NRDC: variants seen among roughly 807,000 people sequenced by gnomAD.
The protein encoded by NRDC is nardilysin.
In NRDC, 54 loss-of-function variants were observed where a neutral mutation model predicts 147.1. The ratio of observed to expected loss-of-function variants is 0.37; its 90% CI spans 0.29 to 0.46. The LOEUF is 0.46. NRDC is among the 20% of genes least tolerant of loss of function. The pLI is 1.00. For missense variants in NRDC, 1,082 were observed against 1,370.6 expected (o/e 0.79, Z 3.33); for synonymous variants, 440 against 482.1 (o/e 0.91, Z 1.14).
At chr1:51,830,615 C>A (rs1680663873) in intron 4 of NRDC, among the ~76,000 whole-genome samples, 1 of 152,174 alleles carries the variant, frequency 6.6e-6, no homozygotes. Flanking sequence ...GACGCCTCAT[C>A]CTTTTTCACA....
At chr1:51,831,330 T>A (rs918526114) in intron 4 of NRDC, among the ~76,000 whole-genome samples, 3 of 152,214 alleles carry the variant, frequency 2.0e-5, no homozygotes, top group Non-Finnish European at 2.9e-5. Flanking sequence ...TCCTTCTTTG[T>A]ATATGGACAA....
intron 17 of NRDC, among the ~76,000 whole-genome samples, chr1:51,808,117 A>T (rs979550557): frequency 3.3e-5 from 5 of 151,838 alleles, no homozygotes; most frequent in Non-Finnish European, 7.4e-5. Context: ...ATACTTTTTT[A>T]AAAGGCTTTT....
chr1:51,806,939 C>T, intron 17 of NRDC, 26 bp from the exon 18 acceptor site: 2 of 1,606,148 alleles, frequency 1.2e-6, no homozygotes, highest in Non-Finnish European at 1.7e-6. Context: ...AATAATAATT[C>T]ACTCAAGTAT....
At chr1:51,853,384 AG>A (rs879638412) in intron 1 of NRDC, among the ~76,000 whole-genome samples, 205 of 152,192 alleles carry the variant, frequency 1.3e-3, no homozygotes, top group Non-Finnish European at 2.3e-3. Context: ...CTCCCTCCTT[AG>A]AAGTCTGCTC....
At chr1:51,835,867 T>G (rs1012768163) in intron 3 of NRDC, among the ~76,000 whole-genome samples, 1 of 152,244 alleles carries the variant, frequency 6.6e-6, no homozygotes, top group Non-Finnish European at 1.5e-5. Flanking sequence ...AATCATCTCC[T>G]GATCCGTTGG....
At chr1:51,802,888 A>G (rs947309206) in intron 20 of NRDC, among the ~76,000 whole-genome samples, 3 of 152,160 alleles carry the variant, frequency 2.0e-5, no homozygotes, top group African/African-American at 7.2e-5. Context: ...TAGATATAAA[A>G]TTTATTATTG....
rs925434318 is a variant in NRDC, at chr1:51,815,027, G to C, written c.1440-214C>G. Among the ~76,000 whole-genome samples the C allele has an allele frequency of 5.3e-5, 8 of 152,184 alleles. No homozygotes were observed. The South Asian group carries it at 1.7e-3, about 32-fold the overall frequency. ...GTGGTACATTTAGGAATCACCAGAA[G>C]GAAATAACAGTCTTTGTTTAATGCA... On this transcript the variant is annotated intron_variant, in intron 11 of 30. Transcript: ENST00000352171.
rs144491912 is a variant in NRDC at position 51,791,625 on chromosome 1, C to T, written c.2913G>A (p.Gly971=). The change falls in exon 27 of 31, where the codon GGG becomes GGA. Residue 971 remains glycine, a synonymous_variant. Coordinates refer to ENST00000352171, the MANE Select transcript of NRDC (RefSeq NM_001101662.2). The part of the protein sequence containing the change: ...HVYPTCRNTS[G]ILGFSVTVGT... The stretch of plus-strand genomic sequence containing the variant: ...CCACAGTGACAGAAAATCCTAGAAT[C>T]CCGGATGTGTTCCTACAGGTAGGGT... The T allele has an allele frequency of 1.7e-5, 28 of 1,613,868 alleles. No homozygotes were observed. The African/African-American group carries it at 3.5e-4, about 20-fold the overall frequency.
At chr1:51,848,483 A>AT (rs1225234846) in intron 1 of NRDC, among the ~76,000 whole-genome samples, 18 of 152,256 alleles carry the variant, frequency 1.2e-4, no homozygotes, top group Non-Finnish European at 2.5e-4. Flanking sequence ...TCCGTCTCAA[A>AT]AAATAATAAT....
Position 51,789,656 on chromosome 1 carries a change from A to G in NRDC, c.3170T>C (p.Ile1057Thr). 2.5e-6 allele frequency: 4 copies of G among 1,608,410 alleles called. No homozygotes were observed. Among genetic ancestry groups the G allele is most frequent in the Non-Finnish European group, 2.6e-6 (3 of 1,174,872 alleles). Residue 1057 changes from isoleucine to threonine, a missense_variant and splice_region_variant, in exon 30 of 31, where the codon ATT becomes ACT. Ile to Thr is a moderately conservative substitution (Grantham distance 89, BLOSUM62 -1). Transcript: ENST00000352171. The part of the protein sequence containing the change: ...QYLFDRLAHE[I>T]EALKSFSKSD... The stretch of plus-strand genomic sequence containing the variant: ...TTTTGAGAATGACTTCAGTGCTTCA[A>G]TCTTACAAGGGAAGGGAAGATAGGA...
intron 4 of NRDC, among the ~76,000 whole-genome samples, chr1:51,828,273 T>C (rs1680533528): frequency 6.6e-6 from 1 of 152,244 alleles, no homozygotes; most frequent in Non-Finnish European, 1.5e-5. Flanking sequence ...TAACCCAATG[T>C]TTATCAACCC....
At chr1:51,846,274 G>C (rs917597559) in intron 1 of NRDC, among the ~76,000 whole-genome samples, 2 of 152,002 alleles carry the variant, frequency 1.3e-5, no homozygotes, top group African/African-American at 4.8e-5. Flanking sequence ...CACCGCACCT[G>C]GTTAATTTTT....
At chr1:51,850,853 T>C (rs1335295505) in intron 1 of NRDC, among the ~76,000 whole-genome samples, 1 of 152,214 alleles carries the variant, frequency 6.6e-6, no homozygotes, top group Non-Finnish European at 1.5e-5. Flanking sequence ...CTGGTCCTCC[T>C]TGCTTGACAC....
chr1:51,860,327 A>AT (rs1194490085), intron 1 of NRDC, among the ~76,000 whole-genome samples: 1 of 152,124 alleles, frequency 6.6e-6, no homozygotes, highest in Non-Finnish European at 1.5e-5. Flanking sequence ...CCCAGATAGA[A>AT]TTGTTTTTTC....
chr1:51,829,105 A>G (rs1265781054), intron 4 of NRDC, among the ~76,000 whole-genome samples: 1 of 152,162 alleles, frequency 6.6e-6, no homozygotes, highest in East Asian at 1.9e-4. Context: ...TCTGTCACCC[A>G]GACTGGAGTG....
chr1:51,795,331 TG>T, intron 22 of NRDC: 2 of 675,110 alleles, frequency 3.0e-6, no homozygotes, highest in South Asian at 3.7e-5. Flanking sequence ...TTCTCTAAAG[TG>T]ATTTCTACTG....
rs1490152612 is a variant in NRDC at position 51,789,390 on chromosome 1, G to GGGGTAC, written c.3296_3301dup (p.Thr1100_Pro1101insArgThr). On this transcript the variant is annotated inframe_insertion, in exon 31 of 31. Coordinates refer to ENST00000352171, the MANE Select transcript of NRDC (RefSeq NM_001101662.2). Reference sequence around the variant, plus strand: ...AGAAGAATTTGAATCCTCACTAGAAGGGGTACCATCCTCTTCCAGTTCATA... The same window carrying GGGGTAC: ...AGAAGAATTTGAATCCTCACTAGAAGGGGTACGGGTACCATCCTCTTCCAGTTCATA... The GGGGTAC allele has an allele frequency of 1.9e-6, 3 of 1,614,002 alleles. No individual in the cohort carries two copies. In the African/African-American group the frequency reaches 4.0e-5, roughly 22 times the overall value.
intron 18 of NRDC, among the ~76,000 whole-genome samples, chr1:51,806,364 G>A (rs548510088): frequency 1.3e-5 from 2 of 152,164 alleles, no homozygotes; most frequent in South Asian, 4.2e-4. Flanking sequence ...TCCTTAAGAT[G>A]GCCAAATACC....
At chr1:51,843,920 A>AT (rs1344739166) in intron 1 of NRDC, among the ~76,000 whole-genome samples, 5 of 151,652 alleles carry the variant, frequency 3.3e-5, no homozygotes, top group Admixed American at 6.6e-5. Flanking sequence ...TGTAAGGTGC[A>AT]TTTTTTTTCC....
Sources: gnomAD v4.1 joint callset for allele counts (sites outside exome capture counted in the v4.1 genomes callset) on GRCh38, gnomAD v4.1.1 for gene constraint, MANE v1.5 for transcripts, NCBI Gene and HGNC (gene_info 2026-07-23, HGNC 2026-07-21) for gene names.